RNASE10: variants seen among roughly 807,000 people sequenced by gnomAD.
The protein encoded by RNASE10 is inactive ribonuclease-like protein 10.
Under a neutral mutation model 1.1 loss-of-function variants are expected in RNASE10, and 2 were observed. The ratio of observed to expected loss-of-function variants is 1.82; its 90% CI spans 0.74 to 5.73. The LOEUF (loss-of-function observed/expected upper bound fraction) is 5.73, where lower values mean the gene tolerates loss of function less well. Ranked by LOEUF, RNASE10 falls within the 30% of genes most tolerant of loss-of-function variation. RNASE10 has a pLI of 0.05. For missense variants in RNASE10, 276 were observed against 263.4 expected (o/e 1.05, Z -0.33); for synonymous variants, 97 against 96.2 (o/e 1.01, Z -0.05).
chr14:20,505,212 A>T (rs1172256376), upstream of RNASE10, among the ~76,000 whole-genome samples: 1 of 148,064 alleles, frequency 6.8e-6, no homozygotes, highest in African/African-American at 2.5e-5. Context: ...TGTGTTTAGA[A>T]ACCCCAAAAG....
Position 20,510,919 on chromosome 14 carries a change from G to A in RNASE10, c.532G>A (p.Ala178Thr), listed in dbSNP as rs1289253402. ...CCATGAGGATCTAAACACAGTCAAAGCTGTCTGTAACAGTCCTGTCATTGC... is the reference window on the plus strand; with the variant it reads ...CCATGAGGATCTAAACACAGTCAAAACTGTCTGTAACAGTCCTGTCATTGC... Residue 178 changes from alanine (A) to threonine (T), a missense_variant, in exon 2 of 2, where the codon GCT becomes ACT. Physicochemically the swap from Ala to Thr is moderately conservative, Grantham distance 58 (BLOSUM62 0). Transcript: ENST00000430083. 2 of 1,614,026 alleles carry A rather than the reference G, an allele frequency of 1.2e-6. No individual in the cohort carries two copies. Among genetic ancestry groups the A allele is most frequent in the Non-Finnish European group, 1.7e-6 (2 of 1,179,942 alleles).
At chr14:20,511,019 C>A (rs1470664537) in exon 2 of RNASE10, 1 of 1,580,564 alleles carries the variant, frequency 6.3e-7, no homozygotes, top group South Asian at 1.2e-5. Flanking sequence ...CTGTCCCAAC[C>A]AGACCAGGTC....
upstream of RNASE10, among the ~76,000 whole-genome samples, chr14:20,505,184 C>G (rs74037152): frequency 0.01 from 1,535 of 147,428 alleles, 33 homozygotes; most frequent in African/African-American, 0.037. Flanking sequence ...CTGATTGATT[C>G]ACCCATGAAA....
At chr14:20,504,326 C>A (rs1225709556), upstream of RNASE10, among the ~76,000 whole-genome samples, 1 of 152,190 alleles carries the variant, frequency 6.6e-6, no homozygotes. Flanking sequence ...ACACAAGAAT[C>A]TCTGCAGCTG....
chr14:20,507,091 C>G (rs1351182168), intron 1 of RNASE10, among the ~76,000 whole-genome samples: 3 of 150,302 alleles, frequency 2.0e-5, no homozygotes, highest in Non-Finnish European at 4.4e-5. Flanking sequence ...CTCTGCCCGG[C>G]CAGGACCCCG....
chr14:20,504,617 G>A (rs1335496729), upstream of RNASE10, among the ~76,000 whole-genome samples: 1 of 144,206 alleles, frequency 6.9e-6, no homozygotes, highest in African/African-American at 2.6e-5. Flanking sequence ...GAACCTGGGA[G>A]GCGGAGCTTG....
chr14:20,511,414 GCT>G (rs2139372523), downstream of RNASE10, among the ~76,000 whole-genome samples: 1 of 152,302 alleles, frequency 6.6e-6, no homozygotes, highest in East Asian at 1.9e-4. Context: ...TTCCTGCTCT[GCT>G]CTGAGTTTGT....
At chr14:20,507,100 C>A (rs559251285) in intron 1 of RNASE10, among the ~76,000 whole-genome samples, 2 of 149,804 alleles carry the variant, frequency 1.3e-5, no homozygotes, top group Admixed American at 1.3e-4. Flanking sequence ...GCCAGGACCC[C>A]GTCTGGGAGG....
downstream of RNASE10, among the ~76,000 whole-genome samples, chr14:20,511,350 G>T (rs10083404): frequency 1.3e-5 from 2 of 152,290 alleles, no homozygotes; most frequent in South Asian, 4.1e-4. Flanking sequence ...ACCCTGGAAA[G>T]GAGTAAGTGA....
At chr14:20,508,988 T>G (rs1182630787) in intron 1 of RNASE10, among the ~76,000 whole-genome samples, 2 of 152,138 alleles carry the variant, frequency 1.3e-5, no homozygotes, top group Non-Finnish European at 2.9e-5. Context: ...TTTTTTTTTT[T>G]CTGGCAGGGA....
chr14:20,510,808 G>T, exon 2 of RNASE10: 1 of 1,614,154 alleles, frequency 6.2e-7, no homozygotes, highest in South Asian at 1.1e-5. Flanking sequence ...TCTTAGGCTT[G>T]ACCAGACAGA....
upstream of RNASE10, among the ~76,000 whole-genome samples, chr14:20,504,944 G>A (rs1882652315): frequency 6.6e-6 from 1 of 152,032 alleles, no homozygotes; most frequent in Non-Finnish European, 1.5e-5. Context: ...CCACTGCGAG[G>A]CTCCAAAGCT....
At chr14:20,508,779 TTAA>T (rs1056606344) in intron 1 of RNASE10, among the ~76,000 whole-genome samples, 4 of 152,164 alleles carry the variant, frequency 2.6e-5, no homozygotes, top group African/African-American at 9.7e-5. Flanking sequence ...TTAGTTGTTG[TTAA>T]TATATATTAC....
At chr14:20,504,642 C>T (rs547288845), upstream of RNASE10, among the ~76,000 whole-genome samples, 2 of 143,328 alleles carry the variant, frequency 1.4e-5, no homozygotes, top group South Asian at 2.3e-4. Context: ...GAGCCGAGAT[C>T]GCGCCACCGC....
downstream of RNASE10, among the ~76,000 whole-genome samples, chr14:20,513,112 T>C (rs1594443063): frequency 6.6e-6 from 1 of 152,326 alleles, no homozygotes; most frequent in South Asian, 2.1e-4. Flanking sequence ...TCCGTCCAGC[T>C]TCTCTCCCTA....
chr14:20,510,520 CTGGGCCTGGGGA>C lies in RNASE10; in HGVS notation c.145_156del (p.Met49_Gly52del), dbSNP rs781600040. 5 of 1,613,644 alleles carry C rather than the reference CTGGGCCTGGGGA, an allele frequency of 3.1e-6. No individual in the cohort carries two copies. The Admixed American group carries it at 8.3e-5, about 27-fold the overall frequency. ...CTTTTTCATGTTGCTGATGCTGCTG[CTGGGCCTGGGGA>C]TGGGCCTGGGGTTGGGACTTCATAT... is the stretch of plus-strand genomic sequence containing the variant. On this transcript the variant is annotated inframe_deletion, in exon 2 of 2. Transcript: ENST00000430083.
chr14:20,507,419 G>A (rs1356868773), intron 1 of RNASE10, among the ~76,000 whole-genome samples: 4 of 133,790 alleles, frequency 3.0e-5, no homozygotes, highest in Non-Finnish European at 6.3e-5. Context: ...AAGGCAGCAT[G>A]CTCGTTAAGA....
intron 1 of RNASE10, among the ~76,000 whole-genome samples, chr14:20,507,383 G>A (rs1882771025): frequency 7.5e-6 from 1 of 132,944 alleles, no homozygotes; most frequent in South Asian, 2.6e-4. Flanking sequence ...GGCGGTGCAA[G>A]ATGTGCTTTG....
chr14:20,511,123 A>G (rs764137495), exon 2 of RNASE10: 1 of 1,481,386 alleles, frequency 6.8e-7, no homozygotes, highest in Non-Finnish European at 9.0e-7. Context: ...TGGACAATGA[A>G]GCAACTCATC....
Sources: allele counts gnomAD v4.1 joint callset (sites outside exome capture counted in the v4.1 genomes callset), GRCh38; gene constraint gnomAD v4.1.1; transcripts MANE v1.5; gene names NCBI Gene and HGNC (gene_info 2026-07-23, HGNC 2026-07-21).